POLR2B: variants seen among roughly 807,000 people sequenced by gnomAD.
The protein encoded by POLR2B is DNA-directed RNA polymerase II subunit RPB2.
In POLR2B, 57 loss-of-function variants were observed where a neutral mutation model predicts 144.6. The observed-to-expected ratio is 0.39, with a 90% CI of 0.32 to 0.49. POLR2B has a LOEUF of 0.49. POLR2B is among the 20% of genes least tolerant of loss of function. POLR2B has a pLI of 0.83. For synonymous variants in POLR2B, 442 were observed against 469.8 expected (o/e 0.94, Z 0.77); for missense variants, 595 against 1,467.4 (o/e 0.41, Z 9.71).
At chr4:57,007,178 G>A (rs767948125) in intron 10 of POLR2B, among the ~76,000 whole-genome samples, 176 bp downstream of exon 10, 27 of 152,252 alleles carry the variant, frequency 1.8e-4, no homozygotes, top group Non-Finnish European at 3.7e-4. Flanking sequence ...GGAGGCCGAG[G>A]TGGGCTGGAT....
chr4:56,996,262 G>GTATACATATATA (rs1553910009), intron 6 of POLR2B, among the ~76,000 whole-genome samples: 2 of 88,888 alleles, frequency 2.3e-5, no homozygotes, highest in African/African-American at 9.5e-5. Context: ...GTGTGTGTGT[G>GTATACATATATA]TATATATATA....
intron 13 of POLR2B, among the ~76,000 whole-genome samples, chr4:57,014,236 C>T (rs1723291486): frequency 1.3e-5 from 2 of 152,094 alleles, no homozygotes; most frequent in South Asian, 4.1e-4. Context: ...ACTCTATTGC[C>T]CAGGCTGGAG....
intron 14 of POLR2B, 121 bp from the exon 15 acceptor site, chr4:57,016,922 A>G (rs1047164725): frequency 7.6e-6 from 2 of 262,468 alleles, no homozygotes; most frequent in Non-Finnish European, 1.4e-5. Context: ...ATAAATATAT[A>G]TGTATATTTA....
rs760090936 is a variant in POLR2B at position 56,992,492 on chromosome 4, A to AAAAAG, written c.243+1594_243+1595insAAAAG. On this transcript the variant is annotated intron_variant, in intron 3 of 24. Transcript: ENST00000314595. Reference sequence around the variant, plus strand: ...AAAAAAAAAAAAAAAAAAAAAAAAAAGAAAAGAAAATACTTGGTGTATTTA... The same window carrying AAAAAG: ...AAAAAAAAAAAAAAAAAAAAAAAAAAAAAAGGAAAAGAAAATACTTGGTGTATTTA... Among the ~76,000 whole-genome samples, 77 of 88,500 alleles carry AAAAAG rather than the reference A, an allele frequency of 8.7e-4. 10 individuals carry two copies. The highest frequency in any genetic ancestry group is 1.7e-3 in the South Asian group (4 of 2,330). The allele number at this position is 88,500 out of a possible 152,430, so 58.1% of individuals were successfully genotyped here. A position where few individuals can be genotyped will look rare whatever the true frequency, so the allele number is the denominator to read the frequency against.
intron 9 of POLR2B, 37 bp from the exon 10 acceptor site, chr4:57,006,779 C>A: frequency 6.6e-7 from 1 of 1,503,762 alleles, no homozygotes. Context: ...TGTTGTAGAC[C>A]TCTACATGTT....
chr4:57,028,002 A>G (rs1182504079), intron 23 of POLR2B, among the ~76,000 whole-genome samples: 2 of 152,234 alleles, frequency 1.3e-5, no homozygotes, highest in Non-Finnish European at 2.9e-5. Context: ...ATCATTTTCA[A>G]CAAATACTTA....
chr4:56,988,567 G>A (rs551597132), intron 2 of POLR2B, among the ~76,000 whole-genome samples: 81 of 152,244 alleles, frequency 5.3e-4, no homozygotes, highest in Middle Eastern at 6.8e-3. Flanking sequence ...TGTGCCTGAG[G>A]TGATGGTGAC....
chr4:57,019,742 A>G (rs1007378026), intron 16 of POLR2B, among the ~76,000 whole-genome samples: 3 of 111,180 alleles, frequency 2.7e-5, no homozygotes, highest in African/African-American at 1.1e-4. Flanking sequence ...AAATTTTGCC[A>G]GTTGTCCTAA....
rs768151415 is a variant in POLR2B, at chr4:57,023,290, G to A, written c.2516-40G>A. On this transcript the variant is annotated intron_variant, in intron 18 of 24. Coordinates refer to ENST00000314595, the MANE Select transcript of POLR2B (RefSeq NM_000938.3). This position sits in a 1 kb window ranked among gnomAD's most constrained non-coding sequence, Gnocchi z 4.3. ...TTCATGTATGTGGTTTTTAATCTTTGTTGGGGATTATGTGACATTCCGTGT... is the reference window on the plus strand; with the variant it reads ...TTCATGTATGTGGTTTTTAATCTTTATTGGGGATTATGTGACATTCCGTGT... 4.4e-6 allele frequency: 7 copies of A among 1,607,174 alleles called. No homozygotes were observed. In the African/African-American group the frequency reaches 6.7e-5, roughly 15 times the overall value.
chr4:57,010,298 C>A, intron 10 of POLR2B, 63 bp from the exon 11 acceptor site: 1 of 1,406,940 alleles, frequency 7.1e-7, no homozygotes, highest in Non-Finnish European at 9.8e-7. Flanking sequence ...ATGACTTTGC[C>A]TCAGTGTAAT....
At position 57,022,164 on chromosome 4, in the gene POLR2B, T is replaced by C; in HGVS notation, c.2433T>C (p.Tyr811=). 3 of 1,606,784 alleles carry C rather than the reference T, an allele frequency of 1.9e-6. No individual in the cohort carries two copies. The South Asian group carries it at 3.3e-5, about 18-fold the overall frequency. The change falls in exon 18 of 25, where the codon TAT becomes TAC. Residue 811 remains tyrosine, a synonymous_variant. Coordinates refer to ENST00000314595, the MANE Select transcript of POLR2B (RefSeq NM_000938.3). ...CATGTGTTTTTAGGTCTGTTTTCTA[T>C]CGCTCATACAAAGAACAGGAGTCTA... ...VDRGFFRSVF[Y]RSYKEQESKK...
In POLR2B at chr4:57,023,791, G is replaced by A. The variant is rs762522204; in HGVS notation, c.2856+40G>A. On this transcript the variant is annotated intron_variant, in intron 20 of 24. Transcript: ENST00000314595. The surrounding 1 kb of genome is among the most constrained non-coding windows in gnomAD (Gnocchi z 4.3). ...TCTCCCTCATGCCCAAACCAGTTTT[G>A]TTAAATATTTTTTTTTTAATCAAAA... 7.5e-7 allele frequency: 1 copy of A among 1,335,384 alleles called. No individual in the cohort carries two copies. Among genetic ancestry groups the A allele is most frequent in the South Asian group, 1.3e-5 (1 of 76,762 alleles). 82.7% of individuals were successfully genotyped at this position (1,335,384 alleles called of 1,614,324 possible). A position where few individuals can be genotyped will look rare whatever the true frequency, so the allele number is the denominator to read the frequency against.
chr4:57,008,411 C>T (rs1461491402), intron 10 of POLR2B, among the ~76,000 whole-genome samples: 1 of 152,098 alleles, frequency 6.6e-6, no homozygotes, highest in Non-Finnish European at 1.5e-5. Flanking sequence ...GCCGTGTTAG[C>T]CAGGATGGTC....
At chr4:57,026,169 C>T (rs28370990) in intron 23 of POLR2B, among the ~76,000 whole-genome samples, 11,490 of 150,898 alleles carry the variant, frequency 0.076, 501 homozygotes, top group African/African-American at 0.091. Flanking sequence ...ACCTGGGAGG[C>T]GGAGGTTGCA....
chr4:56,985,513 G>C (rs1722297122), intron 1 of POLR2B: 1 of 957,884 alleles, frequency 1.0e-6, no homozygotes, highest in Non-Finnish European at 1.2e-6. Context: ...CAATTCTCTT[G>C]CCTCAGCCTC....
At chr4:57,003,843 T>A (rs1401790536) in intron 7 of POLR2B, among the ~76,000 whole-genome samples, 2 of 150,520 alleles carry the variant, frequency 1.3e-5, no homozygotes, top group African/African-American at 4.9e-5. Flanking sequence ...ACTGACTGTG[T>A]CTCTTAAAAA....
intron 6 of POLR2B, among the ~76,000 whole-genome samples, chr4:56,998,155 CATA>C (rs1301358874): frequency 1.3e-5 from 2 of 151,900 alleles, no homozygotes; most frequent in African/African-American, 4.8e-5. Flanking sequence ...TAGGAGAGAA[CATA>C]ATAAGTTCAG....
At chr4:56,986,514 A>G (rs1269538702) in intron 2 of POLR2B, 88 bp downstream of exon 2, 4 of 756,740 alleles carry the variant, frequency 5.3e-6, no homozygotes, top group African/African-American at 1.7e-5. Context: ...CTATATAAAT[A>G]TGCTACATGA....
rs556880403 is a variant in POLR2B at position 57,021,085 on chromosome 4, C to T, written c.2420+90C>T. 6.5e-5 allele frequency: 49 copies of T among 754,622 alleles called. No individual in the cohort carries two copies. In the Middle Eastern group the frequency reaches 7.0e-4, roughly 11 times the overall value. The allele number at this position is 754,622 out of a possible 1,614,324, so 46.7% of individuals were successfully genotyped here. A position where few individuals can be genotyped will look rare whatever the true frequency, so the allele number is the denominator to read the frequency against. ...AAGTTCTTAAAATACAGTTTAACTACGCCGCACTCCAGAAAGTGGAAGGAC... is the reference window on the plus strand; with the variant it reads ...AAGTTCTTAAAATACAGTTTAACTATGCCGCACTCCAGAAAGTGGAAGGAC... On this transcript the variant is annotated intron_variant, in intron 17 of 24. Coordinates refer to ENST00000314595, the MANE Select transcript of POLR2B (RefSeq NM_000938.3).
Sources: allele counts gnomAD v4.1 joint callset (sites outside exome capture counted in the v4.1 genomes callset), GRCh38; gene constraint gnomAD v4.1.1; non-coding constraint Gnocchi (gnomAD v3.1); transcripts MANE v1.5; gene names NCBI Gene and HGNC (gene_info 2026-07-23, HGNC 2026-07-21).